Variants in EXOC6B observed in about 807,000 individuals in gnomAD.
The protein encoded by EXOC6B is exocyst complex component 6B, also known as SEC15 homolog B.
In EXOC6B, 54 loss-of-function variants were observed where a neutral mutation model predicts 113.5. The ratio of observed to expected loss-of-function variants is 0.48; its 90% CI spans 0.38 to 0.60. The LOEUF is 0.60. Among genes scored for constraint, EXOC6B ranks in the 20% least tolerant of loss-of-function variants. EXOC6B has a pLI of 0.00. For missense variants in EXOC6B, 797 were observed against 977.5 expected, an observed-to-expected ratio of 0.82 and a Z score of 2.46; for synonymous variants, 357 against 339.0, an observed-to-expected ratio of 1.05 and a Z score of -0.58.
At chr2:72,626,984 T>A (rs1672092293) in intron 6 of EXOC6B, among the ~76,000 whole-genome samples, 1 of 152,184 alleles carries the variant, frequency 6.6e-6, no homozygotes, top group Non-Finnish European at 1.5e-5. Context: ...TAATTTCTTT[T>A]TAATGAGCCT....
chr2:72,684,038 T>C (rs1420682578), intron 6 of EXOC6B, among the ~76,000 whole-genome samples: 4 of 152,068 alleles, frequency 2.6e-5, no homozygotes, highest in African/African-American at 9.7e-5. Flanking sequence ...TTCAAGCAAT[T>C]CTCCTGCCTC....
At chr2:72,522,245 T>C (rs1422046403) in intron 8 of EXOC6B, among the ~76,000 whole-genome samples, 2 of 152,130 alleles carry the variant, frequency 1.3e-5, no homozygotes, top group African/African-American at 4.8e-5. Flanking sequence ...ATTTACTAAA[T>C]TCATATTTAA....
At chr2:72,583,747 G>A (rs1363063146) in intron 6 of EXOC6B, among the ~76,000 whole-genome samples, 5 of 151,652 alleles carry the variant, frequency 3.3e-5, no homozygotes, top group Admixed American at 6.6e-5. Flanking sequence ...TTTTGATGGA[G>A]TCTTACTCTG....
chr2:72,368,513 A>T (rs903178239), intron 19 of EXOC6B, among the ~76,000 whole-genome samples: 32 of 152,348 alleles, frequency 2.1e-4, no homozygotes, highest in African/African-American at 7.7e-4. Context: ...AACTCATTTT[A>T]TGAGGCCAGC....
chr2:72,365,422 T>C (rs1163425082), intron 19 of EXOC6B, among the ~76,000 whole-genome samples: 1 of 152,116 alleles, frequency 6.6e-6, no homozygotes, highest in African/African-American at 2.4e-5. Context: ...TAATGCAGAA[T>C]TATGATCCCA....
At chr2:72,624,251 C>T (rs1220297874) in intron 6 of EXOC6B, among the ~76,000 whole-genome samples, 2 of 151,966 alleles carry the variant, frequency 1.3e-5, no homozygotes, top group Admixed American at 6.6e-5. Context: ...GCACCACCAT[C>T]CCTGCCTAAT....
chr2:72,703,194 G>T (rs1304426794), intron 6 of EXOC6B, among the ~76,000 whole-genome samples: 2 of 144,510 alleles, frequency 1.4e-5, no homozygotes, highest in Non-Finnish European at 3.0e-5. Context: ...TTTCCCCATT[G>T]CTTGTTTTTC....
intron 18 of EXOC6B, among the ~76,000 whole-genome samples, chr2:72,443,050 G>A (rs1696309710): frequency 6.6e-6 from 1 of 152,038 alleles, no homozygotes; most frequent in African/African-American, 2.4e-5. Context: ...ACATAGGCAG[G>A]GCGCGGTGCC....
intron 18 of EXOC6B, chr2:72,464,338 G>C (rs1303532004): frequency 6.6e-6 from 1 of 152,122 alleles, no homozygotes; most frequent in Non-Finnish European, 1.5e-5. Flanking sequence ...GTCCTCTTTG[G>C]TGCTAAAAAG....
At chr2:72,535,888 T>G (rs1460790388) in intron 8 of EXOC6B, among the ~76,000 whole-genome samples, 2 of 149,592 alleles carry the variant, frequency 1.3e-5, no homozygotes, top group Non-Finnish European at 3.0e-5. Flanking sequence ...AAAAAAAAAA[T>G]TATATACAAA....
intron 1 of EXOC6B, among the ~76,000 whole-genome samples, chr2:72,789,294 G>T (rs930889395): frequency 6.6e-6 from 1 of 152,072 alleles, no homozygotes; most frequent in African/African-American, 2.4e-5. Flanking sequence ...GCTAACATAC[G>T]TGGTACATCT....
intron 6 of EXOC6B, among the ~76,000 whole-genome samples, chr2:72,641,505 A>G (rs866372323): frequency 6.6e-6 from 1 of 152,374 alleles, no homozygotes; most frequent in Middle Eastern, 3.4e-3. Context: ...CAACCTGGCA[A>G]CGGGAGGGGT....
chr2:72,573,457 A>T (rs1704635660), intron 7 of EXOC6B, among the ~76,000 whole-genome samples: 1 of 152,216 alleles, frequency 6.6e-6, no homozygotes, highest in Non-Finnish European at 1.5e-5. Context: ...TCCACATCTT[A>T]ATAAGCCAGT....
intron 6 of EXOC6B, among the ~76,000 whole-genome samples, chr2:72,610,648 C>T (rs1336810775): frequency 1.3e-5 from 2 of 151,928 alleles, no homozygotes; most frequent in African/African-American, 4.8e-5. Flanking sequence ...AGGAGCAAAT[C>T]AATAAATTAA....
At chr2:72,461,708 G>C (rs1697690754) in intron 18 of EXOC6B, 1 of 151,952 alleles carries the variant, frequency 6.6e-6, no homozygotes, top group East Asian at 1.9e-4. Flanking sequence ...TCTAAAAGGG[G>C]AATTACATAG....
At chr2:72,237,137 A>G (rs1228874530) in intron 20 of EXOC6B, among the ~76,000 whole-genome samples, 1 of 152,190 alleles carries the variant, frequency 6.6e-6, no homozygotes, top group Non-Finnish European at 1.5e-5. Context: ...TCATTGATTC[A>G]TTCACTCAAA....
intron 8 of EXOC6B, among the ~76,000 whole-genome samples, chr2:72,529,950 T>A (rs939507228): frequency 6.6e-6 from 1 of 152,208 alleles, no homozygotes; most frequent in African/African-American, 2.4e-5. Context: ...CCTTTCCATA[T>A]CAATAGTGTC....
chr2:72,689,366 T>C (rs1292697436), intron 6 of EXOC6B, among the ~76,000 whole-genome samples: 6 of 152,334 alleles, frequency 3.9e-5, no homozygotes, highest in Admixed American at 1.3e-4. Flanking sequence ...TCTCCACTCA[T>C]GTTCTCACTC....
intron 18 of EXOC6B, among the ~76,000 whole-genome samples, chr2:72,403,896 C>T (rs376770991): frequency 5.9e-5 from 9 of 151,998 alleles, no homozygotes; most frequent in African/African-American, 1.9e-4. Flanking sequence ...GAGCATGACC[C>T]GAAGCAGGGC....
Sources: allele counts gnomAD v4.1 joint callset (sites outside exome capture counted in the v4.1 genomes callset), GRCh38; gene constraint gnomAD v4.1.1; transcripts MANE v1.5; gene names NCBI Gene and HGNC (gene_info 2026-07-23, HGNC 2026-07-21).